GOT2: variants seen among roughly 807,000 people sequenced by gnomAD.
GOT2 encodes the protein glutamic-oxaloacetic transaminase 2, also known as aspartate aminotransferase, mitochondrial.
In GOT2, 17 loss-of-function variants were observed where a neutral mutation model predicts 50.0. That is an observed-to-expected ratio of 0.34 (90% confidence interval 0.23 to 0.51). The LOEUF (loss-of-function observed/expected upper bound fraction) is 0.51. GOT2 is among the 20% of genes least tolerant of loss of function. The pLI is 0.97. For synonymous variants in GOT2, 172 were observed against 204.9 expected, an observed-to-expected ratio of 0.84 and a Z score of 1.37; for missense variants, 430 against 559.6, an observed-to-expected ratio of 0.77 and a Z score of 2.34.
At chr16:58,714,288 C>T (rs1317856755) in intron 8 of GOT2, among the ~76,000 whole-genome samples, 1 of 152,008 alleles carries the variant, frequency 6.6e-6, no homozygotes, top group South Asian at 2.1e-4. Flanking sequence ...TGGTGGCTCA[C>T]GCCTGTAATC....
chr16:58,723,223 G>T (rs1224587494), intron 2 of GOT2, among the ~76,000 whole-genome samples: 1 of 152,150 alleles, frequency 6.6e-6, no homozygotes, highest in Admixed American at 6.6e-5. Context: ...ATTCTAAGGG[G>T]ATTTGTTATA....
chr16:58,728,018 C>G (rs1022793162), intron 1 of GOT2, among the ~76,000 whole-genome samples: 14 of 152,250 alleles, frequency 9.2e-5, no homozygotes, highest in Admixed American at 3.9e-4. Flanking sequence ...CTAGTCAGCA[C>G]TCATACACCT....
chr16:58,733,781 G>A (rs7186087), intron 1 of GOT2: 3,415 of 213,374 alleles, frequency 0.016, 123 homozygotes, highest in African/African-American at 0.072. Flanking sequence ...CCTATCAAGG[G>A]CACGGTCGTT....
chr16:58,722,930 A>C (rs1014689545), intron 2 of GOT2, among the ~76,000 whole-genome samples: 1 of 152,228 alleles, frequency 6.6e-6, no homozygotes, highest in African/African-American at 2.4e-5. Context: ...CAAAAGAGAA[A>C]GCATGTCAAG....
rs1187918065 is a variant in GOT2 at position 58,716,128 on chromosome 16, T to C, written c.905A>G (p.Lys302Arg). Residue 302 changes from lysine to arginine, a missense_variant, in exon 8 of 10, where the codon AAA becomes AGA. Coordinates refer to ENST00000245206, the MANE Select transcript of GOT2 (RefSeq NM_002080.4). ...TMVCKDADEA[K>R]RVESQLKILI... ...GATCTTCAACTGTGACTCTACCCTTTTGGCTTCATCCGCATCTTTGCAGAC... is the reference window on the plus strand; with the variant it reads ...GATCTTCAACTGTGACTCTACCCTTCTGGCTTCATCCGCATCTTTGCAGAC... 2.5e-6 allele frequency: 4 copies of C among 1,613,916 alleles called. No homozygotes were observed. In the Admixed American group the frequency reaches 5.0e-5, roughly 20 times the overall value.
Position 58,708,012 on chromosome 16 carries a change from T to C in GOT2, c.*159A>G, listed in dbSNP as rs922092050. 16 of 666,088 alleles carry C rather than the reference T, an allele frequency of 2.4e-5. No homozygotes were observed. In the African/African-American group the frequency reaches 2.9e-4, roughly 12 times the overall value. The allele number at this position is 666,088 out of a possible 1,614,324, so 41.3% of individuals were successfully genotyped here. On this transcript the variant is annotated 3_prime_UTR_variant, in exon 10 of 10. Coordinates refer to ENST00000245206, the MANE Select transcript of GOT2 (RefSeq NM_002080.4). ...TGCCTCTGCCCTGTGTCACTACATG[T>C]TCTTTTCTGAGAAACATTCAAATGC...
intron 1 of GOT2, among the ~76,000 whole-genome samples, chr16:58,731,910 G>C (rs1176454045): frequency 6.6e-6 from 1 of 152,228 alleles, no homozygotes; most frequent in African/African-American, 2.4e-5. Context: ...TGTAAGGAGG[G>C]AAGTCTGATC....
At chr16:58,717,376 T>C (rs2044702603) in intron 6 of GOT2, among the ~76,000 whole-genome samples, 1 of 150,004 alleles carries the variant, frequency 6.7e-6, no homozygotes, top group African/African-American at 2.5e-5. Flanking sequence ...AGACTCTGTC[T>C]CAAAAGAAAA....
In GOT2 at chr16:58,722,244, T is replaced by G; in HGVS notation, c.281A>C (p.Lys94Thr). The G allele has an allele frequency of 6.2e-7, 1 of 1,613,522 alleles. No homozygotes were observed. The highest frequency in any genetic ancestry group is 8.5e-7 in the Non-Finnish European group (1 of 1,179,924). ...CAGTCCCCCAATGGGCAGGTATTCCTTGTCCAAATTTTTTGCGGCAATCTG... is the reference window on the plus strand; with the variant it reads ...CAGTCCCCCAATGGGCAGGTATTCCGTGTCCAAATTTTTTGCGGCAATCTG... Reference protein sequence around the residue: ...EAQIAAKNLDKEYLPIGGLAE... With the variant: ...EAQIAAKNLDTEYLPIGGLAE... Residue 94 changes from lysine to threonine, a missense_variant, in exon 3 of 10, where the codon AAG (lysine) becomes ACG (threonine). By Grantham distance (78) the Lys-to-Thr change is moderately conservative. Coordinates refer to ENST00000245206, the MANE Select transcript of GOT2 (RefSeq NM_002080.4).
In GOT2 at chr16:58,734,281, G is replaced by T; in HGVS notation, c.-53C>A. Reference sequence around the variant, plus strand: ...CCGCAGGACGGAGCAGAGGGCGAGCGGACACACACACAGGGAACCGGCTCC... The same window carrying T: ...CCGCAGGACGGAGCAGAGGGCGAGCTGACACACACACAGGGAACCGGCTCC... On this transcript the variant is annotated 5_prime_UTR_variant, in exon 1 of 10. Coordinates refer to ENST00000245206, the MANE Select transcript of GOT2 (RefSeq NM_002080.4). 2 of 986,016 alleles carry T rather than the reference G, an allele frequency of 2.0e-6. No homozygotes were observed. The highest frequency in any genetic ancestry group is 2.7e-6 in the Non-Finnish European group (2 of 745,330). The allele number at this position is 986,016 out of a possible 1,614,324, so 61.1% of individuals were successfully genotyped here. A position where few individuals can be genotyped will look rare whatever the true frequency, so the allele number is the denominator to read the frequency against.
At chr16:58,720,570 G>C (rs73549298) in intron 3 of GOT2, among the ~76,000 whole-genome samples, 6,193 of 149,916 alleles carry the variant, frequency 0.041, 374 homozygotes, top group East Asian at 0.29. Flanking sequence ...ATTCACAAAG[G>C]CACAACAATT....
intron 3 of GOT2, among the ~76,000 whole-genome samples, chr16:58,720,027 C>A (rs1189591046): frequency 1.3e-5 from 2 of 152,070 alleles, no homozygotes; most frequent in Non-Finnish European, 2.9e-5. Flanking sequence ...CATGGAAAAA[C>A]CCTGTCTCAA....
chr16:58,715,755 T>G (rs1412777804), intron 8 of GOT2, among the ~76,000 whole-genome samples: 1 of 152,164 alleles, frequency 6.6e-6, no homozygotes, highest in Non-Finnish European at 1.5e-5. Flanking sequence ...TTTCTCCATG[T>G]TGGTCAGGCT....
intron 6 of GOT2, among the ~76,000 whole-genome samples, chr16:58,717,747 G>A (rs2044705610): frequency 6.6e-6 from 1 of 152,154 alleles, no homozygotes; most frequent in African/African-American, 2.4e-5. Context: ...CTGGAGTGCA[G>A]TGGCACAATC....
At chr16:58,729,642 A>C (rs2044816541) in intron 1 of GOT2, among the ~76,000 whole-genome samples, 1 of 152,110 alleles carries the variant, frequency 6.6e-6, no homozygotes, top group Admixed American at 6.6e-5. Flanking sequence ...AAAAGCACTT[A>C]TTTTTCAAGT....
At chr16:58,720,465 G>A (rs1246346021) in intron 3 of GOT2, among the ~76,000 whole-genome samples, 1 of 152,002 alleles carries the variant, frequency 6.6e-6, no homozygotes, top group Admixed American at 6.6e-5. Flanking sequence ...ATTAAAGAGG[G>A]AAAAACCCAA....
chr16:58,709,302 AC>A lies in GOT2; in HGVS notation c.1170+114del, dbSNP rs1397434765. The A allele has an allele frequency of 5.1e-4, 484 of 952,476 alleles. 2 individuals carry two copies. The highest frequency in any genetic ancestry group is 5.5e-4 in the Non-Finnish European group (361 of 656,874). 59.0% of individuals were successfully genotyped at this position (952,476 alleles called of 1,614,324 possible). On this transcript the variant is annotated intron_variant, in intron 9 of 9. Coordinates refer to ENST00000245206, the MANE Select transcript of GOT2 (RefSeq NM_002080.4). Reference sequence around the variant, plus strand: ...CAAAAACAAAACAAAACAAAACAAAACAAAACAAAAAACCCGAAAACATTAA... The same window carrying A: ...CAAAAACAAAACAAAACAAAACAAAAAAAACAAAAAACCCGAAAACATTAA...
intron 1 of GOT2, among the ~76,000 whole-genome samples, chr16:58,726,344 C>A (rs1053643610): frequency 6.6e-6 from 1 of 152,062 alleles, no homozygotes; most frequent in Non-Finnish European, 1.5e-5. Context: ...TGCCACCATG[C>A]GCAGCTAATT....
Position 58,709,433 on chromosome 16 carries a change from C to A in GOT2, c.1154G>T (p.Gly385Val). 6.2e-7 allele frequency: 1 copy of A among 1,611,478 alleles called. No homozygotes were observed. Among genetic ancestry groups the A allele is most frequent in the South Asian group, 1.1e-5 (1 of 90,886 alleles). Residue 385 changes from glycine to valine, a missense_variant, in exon 9 of 10, where the codon GGG (glycine) becomes GTG (valine). Transcript: ENST00000245206. ...TDQIGMFCFT[G>V]LKPEQVERLI... ...ATCACTCACCTGTTCAGGCTTTAGC[C>A]CTGTGAAACAGAACATGCCAATTTG... is the stretch of plus-strand genomic sequence containing the variant.
Sources: allele counts gnomAD v4.1 joint callset (sites outside exome capture counted in the v4.1 genomes callset), GRCh38; gene constraint gnomAD v4.1.1; transcripts MANE v1.5; gene names NCBI Gene and HGNC (gene_info 2026-07-23, HGNC 2026-07-21).